TENM4: variants seen among roughly 807,000 people sequenced by gnomAD.
TENM4 encodes teneurin transmembrane protein 4.
A neutral mutation model predicts 243.3 loss-of-function variants in TENM4; 82 were observed. That is an observed-to-expected ratio of 0.34 (90% CI 0.28 to 0.40). TENM4 has a LOEUF of 0.40. Ranked by LOEUF, TENM4 falls within the 10% of genes least tolerant of loss-of-function variation. The pLI is 1.00. For missense variants in TENM4, 3,138 were observed against 3,673.3 expected (o/e 0.85, Z 3.77); for synonymous variants, 1,412 against 1,456.3 (o/e 0.97, Z 0.69).
At chr11:78,899,559 C>CG (rs112067150) in intron 7 of TENM4, among the ~76,000 whole-genome samples, 1,577 of 29,510 alleles carry the variant, frequency 0.053, 120 homozygotes, top group East Asian at 0.4. Context: ...TCTCAAAAAG[C>CG]GGGGGGGGGG....
intron 6 of TENM4, among the ~76,000 whole-genome samples, chr11:78,980,346 G>A (rs180893725): frequency 3.3e-5 from 5 of 152,328 alleles, no homozygotes; most frequent in Admixed American, 3.3e-4. Flanking sequence ...GGAAAACAGT[G>A]GTCAATCAAC....
At chr11:78,997,875 C>T (rs540854307) in intron 6 of TENM4, among the ~76,000 whole-genome samples, 2 of 152,218 alleles carry the variant, frequency 1.3e-5, no homozygotes, top group Non-Finnish European at 2.9e-5. Context: ...GAAGGTGGGA[C>T]CGTGATGACA....
intron 1 of TENM4, among the ~76,000 whole-genome samples, chr11:79,359,714 G>A (rs570491598): frequency 6.6e-6 from 1 of 152,132 alleles, no homozygotes; most frequent in South Asian, 2.1e-4. Context: ...CTAGAGAGAA[G>A]GAAAACTGCA....
chr11:79,208,415 T>A (rs1249604134), intron 3 of TENM4, among the ~76,000 whole-genome samples: 1 of 152,208 alleles, frequency 6.6e-6, no homozygotes, highest in Non-Finnish European at 1.5e-5. Context: ...ATGTGTAAAA[T>A]GGGGGTGATA....
intron 22 of TENM4, 29 bp from the exon 23 acceptor site, chr11:78,726,251 A>AT: frequency 1.2e-6 from 2 of 1,610,270 alleles, no homozygotes; most frequent in Middle Eastern, 1.7e-4. Context: ...GGCAAAATGC[A>AT]TAAGTGAGCA....
At position 79,361,996 on chromosome 11, in the gene TENM4, G is replaced by A. The variant is rs76440722; in HGVS notation, c.-320-64453C>T. ...GTGCCTCAACACAGTACATATTTGT[G>A]ACAAGTATCAGATGTTGGAGCAATA... is the stretch of plus-strand genomic sequence containing the variant. On this transcript the variant is annotated intron_variant, in intron 1 of 33. Transcript: ENST00000278550. Among the ~76,000 whole-genome samples the A allele has an allele frequency of 3.4e-3, 514 of 152,266 alleles. 2 individuals carry two copies. Among genetic ancestry groups the A allele is most frequent in the African/African-American group, 0.012 (494 of 41,558 alleles).
intron 1 of TENM4, among the ~76,000 whole-genome samples, chr11:79,336,454 A>G (rs1009450155): frequency 5.9e-5 from 9 of 152,222 alleles, no homozygotes; most frequent in African/African-American, 2.2e-4. Context: ...GGTCTGTTAT[A>G]AAAGGTATAA....
intron 1 of TENM4, among the ~76,000 whole-genome samples, chr11:79,403,470 T>A: frequency 6.6e-6 from 1 of 152,132 alleles, no homozygotes; most frequent in Non-Finnish European, 1.5e-5. Context: ...AACTGAGGCT[T>A]ACTCTAAGGA....
At position 78,896,451 on chromosome 11, in the gene TENM4, C is replaced by T. The variant is rs73500641; in HGVS notation, c.750-5115G>A. On this transcript the variant is annotated intron_variant, in intron 7 of 33. Transcript: ENST00000278550. ...ATAATGGCACCTTCTGATTTAAAAG[C>T]TCTTGCTAGCTATTCACCCTCATGT... Among the ~76,000 whole-genome samples, 443 of 152,290 alleles carry T rather than the reference C, an allele frequency of 2.9e-3. 2 individuals carry two copies. Among genetic ancestry groups the T allele is most frequent in the African/African-American group, 0.01 (421 of 41,572 alleles).
intron 6 of TENM4, among the ~76,000 whole-genome samples, chr11:79,032,319 C>T (rs1390254210): frequency 6.6e-6 from 1 of 152,128 alleles, no homozygotes; most frequent in African/African-American, 2.4e-5. Flanking sequence ...ATTTGTAACC[C>T]TGGATGTAGA....
At chr11:79,205,863 A>T (rs1050226184) in intron 3 of TENM4, among the ~76,000 whole-genome samples, 2 of 152,236 alleles carry the variant, frequency 1.3e-5, no homozygotes, top group Non-Finnish European at 2.9e-5. Flanking sequence ...ATGAAGGAAG[A>T]GAGAAAGGAG....
chr11:78,686,553 T>TG (rs529478491), intron 29 of TENM4, among the ~76,000 whole-genome samples: 63 of 116,274 alleles, frequency 5.4e-4, no homozygotes, highest in Middle Eastern at 7.6e-3. Flanking sequence ...GGGGTGGGGT[T>TG]GGGGGGGCAG....
chr11:79,165,661 T>C (rs1862894059), intron 3 of TENM4, among the ~76,000 whole-genome samples: 1 of 152,190 alleles, frequency 6.6e-6, no homozygotes, highest in South Asian at 2.1e-4. Flanking sequence ...CATCTACTTA[T>C]CTTTGTTTTT....
intron 5 of TENM4, among the ~76,000 whole-genome samples, chr11:79,065,283 T>C (rs1244710889): frequency 1.3e-5 from 2 of 152,198 alleles, no homozygotes; most frequent in Non-Finnish European, 2.9e-5. Flanking sequence ...TGTGCAGAAT[T>C]CATTTTCACT....
chr11:78,770,353 G>A (rs536010186), intron 18 of TENM4, among the ~76,000 whole-genome samples: 2 of 152,328 alleles, frequency 1.3e-5, no homozygotes, highest in East Asian at 3.9e-4. Context: ...CCACCAAACA[G>A]CATGTGTAAG....
intron 2 of TENM4, among the ~76,000 whole-genome samples, chr11:79,273,340 T>G (rs1025841946): frequency 5.9e-5 from 9 of 152,202 alleles, no homozygotes; most frequent in African/African-American, 1.9e-4. Context: ...TAAGTGATTC[T>G]CCCCTCGTCT....
At chr11:79,255,999 A>G (rs1855695092) in intron 2 of TENM4, among the ~76,000 whole-genome samples, 1 of 152,136 alleles carries the variant, frequency 6.6e-6, no homozygotes. Flanking sequence ...GGTGATATCA[A>G]TGGAATTCTT....
intron 4 of TENM4, among the ~76,000 whole-genome samples, chr11:79,106,378 G>C (rs1861369659): frequency 1.3e-5 from 2 of 152,236 alleles, no homozygotes; most frequent in South Asian, 4.1e-4. Context: ...GGCAGTCCCA[G>C]GCTGGGGTCC....
chr11:79,145,384 C>T (rs1862378027), intron 4 of TENM4, among the ~76,000 whole-genome samples: 1 of 152,072 alleles, frequency 6.6e-6, no homozygotes, highest in Non-Finnish European at 1.5e-5. Flanking sequence ...CCTTTGCACT[C>T]CTTCCCATTT....
Sources: gnomAD v4.1 joint callset for allele counts (sites outside exome capture counted in the v4.1 genomes callset) on GRCh38, gnomAD v4.1.1 for gene constraint, MANE v1.5 for transcripts, NCBI Gene and HGNC (gene_info 2026-07-23, HGNC 2026-07-21) for gene names.